NCK2: variants seen among roughly 807,000 people sequenced by gnomAD.
The protein encoded by NCK2 is NCK adaptor protein 2.
In NCK2, 16 loss-of-function variants were observed where a neutral mutation model predicts 33.9. That is an observed-to-expected ratio of 0.47 (90% CI 0.32 to 0.72). The LOEUF (loss-of-function observed/expected upper bound fraction) is 0.72, where lower values mean the gene tolerates loss of function less well. Among genes scored for constraint, NCK2 ranks in the 30% least tolerant of loss-of-function variants. The pLI, the probability that NCK2 is intolerant of heterozygous loss-of-function variation, is 0.03. For missense variants in NCK2, 418 were observed against 537.3 expected (o/e 0.78, Z 2.19); for synonymous variants, 273 against 239.9 (o/e 1.14, Z -1.27).
intron 2 of NCK2, among the ~76,000 whole-genome samples, chr2:105,819,310 G>A (rs1465358501): frequency 6.8e-6 from 1 of 148,064 alleles, no homozygotes; most frequent in Non-Finnish European, 1.5e-5. Context: ...CAAACCCATG[G>A]TAACTCCGTT....
chr2:105,849,318 T>G (rs1676969948), intron 2 of NCK2, among the ~76,000 whole-genome samples: 1 of 152,002 alleles, frequency 6.6e-6, no homozygotes, highest in Non-Finnish European at 1.5e-5. Context: ...AGCCCAGGAG[T>G]TGGAGGCTAC....
chr2:105,835,423 AT>A (rs759330804), intron 2 of NCK2, among the ~76,000 whole-genome samples: 1,844 of 102,100 alleles, frequency 0.018, 160 homozygotes, highest in Non-Finnish European at 0.024. Context: ...ATATATATAT[AT>A]TTTTTTTTTG....
At chr2:105,888,920 G>T (rs1678835456) in intron 4 of NCK2, among the ~76,000 whole-genome samples, 3 of 152,204 alleles carry the variant, frequency 2.0e-5, no homozygotes, top group Admixed American at 1.3e-4. Flanking sequence ...TTTCAAAAAT[G>T]TGTTAAGATT....
intron 1 of NCK2, among the ~76,000 whole-genome samples, chr2:105,787,449 G>A (rs1690718534): frequency 6.6e-6 from 1 of 152,142 alleles, no homozygotes; most frequent in East Asian, 1.9e-4. Context: ...AGACAGCAGA[G>A]AGCTCTCTCT....
chr2:105,859,580 G>T (rs1000778375), intron 3 of NCK2, among the ~76,000 whole-genome samples: 66 of 152,380 alleles, frequency 4.3e-4, no homozygotes, highest in Admixed American at 1.4e-3. Flanking sequence ...AATGCTAACT[G>T]TGAAACAGCC....
At chr2:105,820,136 A>G (rs1250918460) in intron 2 of NCK2, among the ~76,000 whole-genome samples, 4 of 152,216 alleles carry the variant, frequency 2.6e-5, no homozygotes, top group Non-Finnish European at 5.9e-5. Flanking sequence ...GGAGACGTGT[A>G]CAGAGGTATA....
chr2:105,816,961 G>C (rs1176198902), intron 2 of NCK2, among the ~76,000 whole-genome samples: 1 of 152,064 alleles, frequency 6.6e-6, no homozygotes, highest in African/African-American at 2.4e-5. Flanking sequence ...CACTTTTCTG[G>C]TGCTTTCAGT....
chr2:105,878,463 A>G (rs1310707202), intron 3 of NCK2, among the ~76,000 whole-genome samples: 1 of 152,254 alleles, frequency 6.6e-6, no homozygotes, highest in Non-Finnish European at 1.5e-5. Flanking sequence ...ATTGGAACAC[A>G]GACACACTCA....
intron 4 of NCK2, among the ~76,000 whole-genome samples, chr2:105,886,983 T>C (rs1678746016): frequency 6.6e-6 from 1 of 152,136 alleles, no homozygotes; most frequent in South Asian, 2.1e-4. Context: ...GAGTAAATAT[T>C]TTATAGAGTG....
chr2:105,891,158 C>G (rs1172485680), intron 4 of NCK2, among the ~76,000 whole-genome samples: 1 of 152,244 alleles, frequency 6.6e-6, no homozygotes, highest in Non-Finnish European at 1.5e-5. Context: ...TACGCATACT[C>G]TCACACACTC....
Position 105,893,272 on chromosome 2 carries a change from G to A in NCK2, c.*96G>A. Reference sequence around the variant, plus strand: ...CTCCTCCCGCGGGGACGGCCCCGACGGCTTCTCTGCGAGTCTCTCTTTATG... The same window carrying A: ...CTCCTCCCGCGGGGACGGCCCCGACAGCTTCTCTGCGAGTCTCTCTTTATG... On this transcript the variant is annotated 3_prime_UTR_variant, in exon 5 of 5. Transcript: ENST00000233154. The A allele has an allele frequency of 2.5e-6, 3 of 1,218,886 alleles. No homozygotes were observed. The highest frequency in any genetic ancestry group is 2.2e-6 in the Non-Finnish European group (2 of 892,224). The allele number at this position is 1,218,886 out of a possible 1,614,324, so 75.5% of individuals were successfully genotyped here.
intron 4 of NCK2, among the ~76,000 whole-genome samples, chr2:105,891,034 G>A (rs1678949470): frequency 6.6e-6 from 1 of 152,160 alleles, no homozygotes; most frequent in African/African-American, 2.4e-5. Context: ...CACTGGCCAG[G>A]CATGTCCGAG....
chr2:105,810,763 A>G (rs1262405689), intron 1 of NCK2, among the ~76,000 whole-genome samples: 2 of 152,362 alleles, frequency 1.3e-5, no homozygotes, highest in South Asian at 2.1e-4. Flanking sequence ...AGCATTAAAT[A>G]TATCAAGAAA....
intron 2 of NCK2, among the ~76,000 whole-genome samples, chr2:105,834,812 A>C (rs983845906): frequency 2.6e-5 from 4 of 152,092 alleles, no homozygotes; most frequent in African/African-American, 9.7e-5. Flanking sequence ...CTGGGCCTAC[A>C]GGTAGATGTG....
chr2:105,819,130 C>T (rs1675626553), intron 2 of NCK2, among the ~76,000 whole-genome samples: 1 of 152,124 alleles, frequency 6.6e-6, no homozygotes, highest in Non-Finnish European at 1.5e-5. Context: ...TTGGCACTCA[C>T]ACTGCATACC....
rs1478926029 is a variant in NCK2, at chr2:105,855,251, A to G, written c.188A>G (p.Lys63Arg). Residue 63 changes from lysine (K) to arginine (R), a missense_variant, in exon 3 of 5, where the codon AAG becomes AGG. Physicochemically the swap from Lys to Arg is conservative, Grantham distance 26. Transcript: ENST00000233154. ...TACGTGGAGCGGAAGAACAGCCTGA[A>G]GAAGGGCTCCCTCGTGAAGAACCTG... ...SNYVERKNSL[K>R]KGSLVKNLKD... is the part of the protein sequence containing the mutation. 2.5e-6 allele frequency: 4 copies of G among 1,612,450 alleles called. No homozygotes were observed. Among genetic ancestry groups the G allele is most frequent in the Non-Finnish European group, 3.4e-6 (4 of 1,179,238 alleles).
chr2:105,828,966 A>G (rs1400270323), intron 2 of NCK2, among the ~76,000 whole-genome samples: 1 of 152,140 alleles, frequency 6.6e-6, no homozygotes, highest in Non-Finnish European at 1.5e-5. Flanking sequence ...AAATGAGCTG[A>G]TTCTTTATTT....
intron 2 of NCK2, among the ~76,000 whole-genome samples, chr2:105,831,193 T>A (rs1209396645): frequency 6.6e-6 from 1 of 152,204 alleles, no homozygotes; most frequent in Non-Finnish European, 1.5e-5. Flanking sequence ...ATTGTTAAAA[T>A]GACTATAGTA....
chr2:105,849,879 ATTC>A (rs1676995966), intron 2 of NCK2, among the ~76,000 whole-genome samples: 1 of 152,286 alleles, frequency 6.6e-6, no homozygotes, highest in Non-Finnish European at 1.5e-5. Context: ...TGTAGTTGCC[ATTC>A]TTAAGTCTCT....
Sources: gnomAD v4.1 joint callset for allele counts (sites outside exome capture counted in the v4.1 genomes callset) on GRCh38, gnomAD v4.1.1 for gene constraint, MANE v1.5 for transcripts, NCBI Gene and HGNC (gene_info 2026-07-23, HGNC 2026-07-21) for gene names.